The following SLC39A11 variants were observed in gnomAD, a reference collection of about 807,000 sequenced individuals.
SLC39A11 encodes zinc transporter ZIP11.
SLC39A11 carries 33 observed loss-of-function variants against 36.1 expected under a neutral mutation model. The ratio of observed to expected loss-of-function variants is 0.91; its 90% confidence interval spans 0.69 to 1.22. The LOEUF (loss-of-function observed/expected upper bound fraction) is 1.22, where lower values mean the gene tolerates loss of function less well. SLC39A11 is among the 50% of genes most tolerant of loss of function. The pLI, the probability that SLC39A11 is intolerant of heterozygous loss-of-function variation, is 0.00. For missense variants in SLC39A11, 432 were observed against 430.3 expected, an observed-to-expected ratio of 1.00 and a Z score of -0.03; for synonymous variants, 166 against 170.3, an observed-to-expected ratio of 0.97 and a Z score of 0.20.
chr17:72,668,959 G>A (rs1236226819), intron 7 of SLC39A11, among the ~76,000 whole-genome samples: 1 of 152,130 alleles, frequency 6.6e-6, no homozygotes, highest in Non-Finnish European at 1.5e-5. Context: ...GACAACCAAA[G>A]CAAACAAATA....
At chr17:73,042,684 T>C (rs9897284) in intron 3 of SLC39A11, among the ~76,000 whole-genome samples, 149,045 of 152,244 alleles carry the variant, frequency 0.98, 73,044 homozygotes, top group Middle Eastern at 1. Context: ...ACCTGTAATC[T>C]CAGCTACTTG....
chr17:72,775,688 C>A (rs1377346138), intron 6 of SLC39A11, among the ~76,000 whole-genome samples: 1 of 152,184 alleles, frequency 6.6e-6, no homozygotes, highest in African/African-American at 2.4e-5. Flanking sequence ...ACACAAGAAT[C>A]ACCCAGGGCT....
rs2069602076 is a variant in SLC39A11, at chr17:72,647,337, T to G, written c.*247A>C. On this transcript the variant is annotated 3_prime_UTR_variant, in exon 10 of 10. Coordinates refer to ENST00000255559, the MANE Select transcript of SLC39A11 (RefSeq NM_139177.4). ...CTTGATAATCCCACTGAAGAGAGAGTCCATTCAGTGGCCAAAACAAAGAAT... is the reference window on the plus strand; with the variant it reads ...CTTGATAATCCCACTGAAGAGAGAGGCCATTCAGTGGCCAAAACAAAGAAT... The G allele has an allele frequency of 3.0e-6, 1 of 329,656 alleles. No individual in the cohort carries two copies. The allele number at this position is 329,656 out of a possible 1,614,324, so 20.4% of individuals were successfully genotyped here.
At chr17:72,782,912 G>C (rs2076372246) in intron 6 of SLC39A11, among the ~76,000 whole-genome samples, 1 of 147,080 alleles carries the variant, frequency 6.8e-6, no homozygotes, top group Non-Finnish European at 1.5e-5. Context: ...TGAGGCAAGA[G>C]ACTCACTTGA....
intron 7 of SLC39A11, among the ~76,000 whole-genome samples, chr17:72,708,933 TTC>T (rs1401399770): frequency 7.2e-6 from 1 of 138,678 alleles, no homozygotes; most frequent in Non-Finnish European, 1.5e-5. Context: ...AAAGCCTTTT[TTC>T]TTTTCTTTTT....
chr17:72,659,007 G>A (rs535730682), intron 7 of SLC39A11, among the ~76,000 whole-genome samples: 1 of 152,110 alleles, frequency 6.6e-6, no homozygotes, highest in African/African-American at 2.4e-5. Flanking sequence ...TTCTACAAAG[G>A]GTGTGCCTTA....
At chr17:73,090,890 A>G (rs2060901891) in intron 1 of SLC39A11, among the ~76,000 whole-genome samples, 1 of 152,212 alleles carries the variant, frequency 6.6e-6, no homozygotes, top group Non-Finnish European at 1.5e-5. Context: ...TCCCAACAGG[A>G]GCAGCATTGA....
intron 6 of SLC39A11, among the ~76,000 whole-genome samples, chr17:72,759,112 A>G (rs2075472659): frequency 8.8e-6 from 1 of 113,910 alleles, no homozygotes; most frequent in Admixed American, 9.9e-5. Flanking sequence ...AAATAATAAC[A>G]ATAATAATAA....
chr17:72,924,275 C>T (rs1192453009), intron 5 of SLC39A11, among the ~76,000 whole-genome samples: 1 of 151,272 alleles, frequency 6.6e-6, no homozygotes, highest in Non-Finnish European at 1.5e-5. Flanking sequence ...CTCGCCCTAC[C>T]CTAACCCTAG....
At chr17:72,992,170 A>G (rs1330452183) in intron 4 of SLC39A11, among the ~76,000 whole-genome samples, 2 of 152,074 alleles carry the variant, frequency 1.3e-5, no homozygotes, top group African/African-American at 4.8e-5. Context: ...TGGCCAACAT[A>G]GTGAAACCCC....
chr17:73,054,634 C>G (rs928870007), intron 3 of SLC39A11, among the ~76,000 whole-genome samples: 4 of 151,808 alleles, frequency 2.6e-5, no homozygotes, highest in Non-Finnish European at 5.9e-5. Context: ...ATGGTGAAAC[C>G]CCATCTCTAC....
chr17:72,778,147 C>T (rs2076198492), intron 6 of SLC39A11, among the ~76,000 whole-genome samples: 1 of 152,144 alleles, frequency 6.6e-6, no homozygotes, highest in Non-Finnish European at 1.5e-5. Flanking sequence ...TCAGGTAATC[C>T]ACCCGCTTCA....
intron 4 of SLC39A11, among the ~76,000 whole-genome samples, chr17:72,984,760 T>C (rs963579778): frequency 3.9e-5 from 6 of 152,246 alleles, no homozygotes; most frequent in Admixed American, 6.5e-5. Flanking sequence ...CATTCCTGTG[T>C]GCCACAAAGT....
intron 6 of SLC39A11, chr17:72,839,504 A>C (rs1392859056): frequency 8.5e-6 from 1 of 118,258 alleles, no homozygotes; most frequent in Non-Finnish European, 2.0e-5. Context: ...GAATGCCTGC[A>C]GCCTGCAGAA....
At chr17:72,844,659 C>G (rs2078972396) in intron 6 of SLC39A11, among the ~76,000 whole-genome samples, 1 of 152,150 alleles carries the variant, frequency 6.6e-6, no homozygotes, top group South Asian at 2.1e-4. Context: ...TCAGGGCAGA[C>G]TCTGTCTCAA....
intron 6 of SLC39A11, among the ~76,000 whole-genome samples, chr17:72,830,980 A>C (rs1466344961): frequency 6.6e-6 from 1 of 152,234 alleles, no homozygotes; most frequent in African/African-American, 2.4e-5. Context: ...AGAGAAGGAA[A>C]TCTAGAACGT....
chr17:73,092,377 A>T (rs1245175306), intron 1 of SLC39A11: 1 of 152,296 alleles, frequency 6.6e-6, no homozygotes, highest in African/African-American at 2.4e-5. Flanking sequence ...CACCCTGGAG[A>T]GGGACATAGC....
intron 6 of SLC39A11, among the ~76,000 whole-genome samples, chr17:72,792,531 G>C (rs977848048): frequency 1.3e-5 from 2 of 152,164 alleles, no homozygotes; most frequent in Non-Finnish European, 1.5e-5. Flanking sequence ...GAAATTTCAG[G>C]CCTTAGAAAG....
At chr17:73,088,581 G>A (rs140267100) in intron 2 of SLC39A11, 76 bp downstream of exon 2, 40 of 1,182,168 alleles carry the variant, frequency 3.4e-5, no homozygotes, top group Admixed American at 1.2e-4. Context: ...CTACAAACCT[G>A]CTCCATGGAG....
Sources: allele counts gnomAD v4.1 joint callset (sites outside exome capture counted in the v4.1 genomes callset), GRCh38; gene constraint gnomAD v4.1.1; transcripts MANE v1.5; gene names NCBI Gene and HGNC (gene_info 2026-07-23, HGNC 2026-07-21).